The following MTSS2 variants were observed in gnomAD, a reference collection of about 807,000 sequenced individuals.
The protein encoded by MTSS2 is MTSS I-BAR domain containing 2, also known as protein MTSS 2.
Under a neutral mutation model 67.1 loss-of-function variants are expected in MTSS2, and 27 were observed. The ratio of observed to expected loss-of-function variants is 0.40; its 90% CI spans 0.30 to 0.55. The LOEUF (loss-of-function observed/expected upper bound fraction) is 0.55, where lower values mean the gene tolerates loss of function less well. MTSS2 is among the 20% of genes least tolerant of loss of function. The probability of loss-of-function intolerance (pLI) is 0.43; values close to 1 mark genes in which losing one functional copy is unlikely to be tolerated. For missense variants in MTSS2, 1,171 were observed against 1,067.8 expected, an observed-to-expected ratio of 1.10 and a Z score of -1.35; for synonymous variants, 624 against 468.6, an observed-to-expected ratio of 1.33 and a Z score of -4.28.
chr16:70,677,133 A>AG (rs1273146523), intron 9 of MTSS2, among the ~76,000 whole-genome samples, 155 bp from the exon 10 acceptor site: 1 of 152,080 alleles, frequency 6.6e-6, no homozygotes, highest in Non-Finnish European at 1.5e-5. Context: ...TGTGGGGAGC[A>AG]GGGAGACACC....
In MTSS2 at chr16:70,663,830, A is replaced by C; in HGVS notation, c.2091T>G (p.Thr697=). 6.6e-7 allele frequency: 1 copy of C among 1,509,018 alleles called. No homozygotes were observed. The highest frequency in any genetic ancestry group is 8.9e-7 in the Non-Finnish European group (1 of 1,129,130). 93.5% of individuals were successfully genotyped at this position (1,509,018 alleles called of 1,614,324 possible). The change falls in exon 15 of 15, where the codon ACT becomes ACG. Residue 697 remains threonine, a synonymous_variant. Transcript: ENST00000338779. The stretch of plus-strand genomic sequence containing the variant: ...CCTCCGTGGGGGTGGCCGACAGAGC[A>C]GTGGGGAAGGGGAACTGGCCCTCAC... ...ALGEGQFPFP[T]ALSATPTEET... is the part of the protein sequence containing the mutation.
chr16:70,678,664 CG>C (rs905066920), intron 7 of MTSS2, among the ~76,000 whole-genome samples: 1 of 152,202 alleles, frequency 6.6e-6, no homozygotes, highest in African/African-American at 2.4e-5. Context: ...GGGGCATCTC[CG>C]GGGGAGGCTC....
chr16:70,682,953 G>A (rs1240595857), intron 1 of MTSS2, among the ~76,000 whole-genome samples: 3 of 152,166 alleles, frequency 2.0e-5, no homozygotes, highest in Non-Finnish European at 4.4e-5. Context: ...GTCACTGCAC[G>A]CCAGGTAGAG....
intron 11 of MTSS2, among the ~76,000 whole-genome samples, chr16:70,670,037 G>GA (rs1394941017): frequency 6.6e-6 from 1 of 151,950 alleles, no homozygotes; most frequent in African/African-American, 2.4e-5. Flanking sequence ...TTGGGAGGCT[G>GA]AGGGGGGTGG....
At chr16:70,685,140 T>C (rs1294689913) in intron 1 of MTSS2, among the ~76,000 whole-genome samples, 1 of 145,010 alleles carries the variant, frequency 6.9e-6, no homozygotes, top group African/African-American at 2.5e-5. Context: ...TCAAGGCCTA[T>C]CCTTGGGATG....
chr16:70,664,097 T>C lies in MTSS2; in HGVS notation c.1824A>G (p.Thr608=), dbSNP rs781593592. 3 of 1,611,974 alleles carry C rather than the reference T, an allele frequency of 1.9e-6. No homozygotes were observed. The highest frequency in any genetic ancestry group is 1.7e-4 in the Middle Eastern group (1 of 6,060). ...VPDSPGYMGP[T]RAGSEECVFY... ...AGACGCACTCCTCACTGCCCGCCCG[T>C]GTGGGCCCCATGTAGCCGGGGGAGT... The change falls in exon 15 of 15, where the codon ACA becomes ACG. Residue 608 remains threonine, a synonymous_variant. Transcript: ENST00000338779.
chr16:70,685,662 C>A, intron 1 of MTSS2, 61 bp downstream of exon 1: 1 of 1,051,314 alleles, frequency 9.5e-7, no homozygotes, highest in South Asian at 3.7e-5. Context: ...CCCGCCGCCA[C>A]GCGTCCCCGG....
rs779762287 is a variant in MTSS2 at position 70,664,974 on chromosome 16, G to A, written c.1251C>T (p.Pro417=). ...PGPASGGTLG[P]SGEEAPRPRM... is the part of the protein sequence containing the mutation. The stretch of plus-strand genomic sequence containing the variant: ...GGGGTCGCGGTGCCTCTTCCCCGCT[G>A]GGGCCCAGGGTGCCCCCACTGGCAG... Residue 417 remains proline (P), a synonymous_variant, in exon 13 of 15, where the codon CCC becomes CCT. Coordinates refer to ENST00000338779, the MANE Select transcript of MTSS2 (RefSeq NM_138383.3). The A allele has an allele frequency of 3.2e-6, 5 of 1,582,878 alleles. No individual in the cohort carries two copies. Among genetic ancestry groups the A allele is most frequent in the Non-Finnish European group, 4.3e-6 (5 of 1,172,924 alleles).
intron 1 of MTSS2, among the ~76,000 whole-genome samples, chr16:70,685,410 C>G (rs2053420917): frequency 6.6e-6 from 1 of 152,194 alleles, no homozygotes; most frequent in South Asian, 2.1e-4. Context: ...GCCCTAGAGT[C>G]GGTCCTGGAT....
At position 70,664,024 on chromosome 16, in the gene MTSS2, C is replaced by G. The variant is rs144544231; in HGVS notation, c.1897G>C (p.Ala633Pro). The G allele has an allele frequency of 9.9e-4, 1,584 of 1,606,484 alleles. No homozygotes were observed. Among genetic ancestry groups the G allele is most frequent in the Admixed American group, 1.6e-3 (96 of 59,224 alleles). The change falls in exon 15 of 15, where the codon GCC becomes CCC. Residue 633 changes from alanine (A) to proline (P), a missense_variant. By Grantham distance (27) the Ala-to-Pro change is conservative. This residue lies in a region of MTSS2 where 924 missense variants were observed against 756.0 expected (regional missense o/e 1.22). Coordinates refer to ENST00000338779, the MANE Select transcript of MTSS2 (RefSeq NM_138383.3). The part of the protein sequence containing the change: ...ASPLAPDLAK[A>P]SPKRLSLPNT... ...GGCAGGCTGAGCCTCTTTGGGGAGG[C>G]CTTGGCGAGGTCCGGTGCCAGGGGT...
At chr16:70,681,515 TGG>T (rs1165483083) in intron 1 of MTSS2, among the ~76,000 whole-genome samples, 1 of 152,146 alleles carries the variant, frequency 6.6e-6, no homozygotes, top group Non-Finnish European at 1.5e-5. Flanking sequence ...AGGTGTAGAC[TGG>T]GGCCTCCGGG....
chr16:70,661,453 A>G lies in MTSS2; in HGVS notation c.*2224T>C, dbSNP rs1159218109. The G allele has an allele frequency of 1.3e-5, 5 of 370,940 alleles. No homozygotes were observed. The highest frequency in any genetic ancestry group is 8.5e-5 in the African/African-American group (4 of 47,198). The allele number at this position is 370,940 out of a possible 1,614,324, so 23.0% of individuals were successfully genotyped here. ...GGGGAATAAATTAAAAAAAGGAACG[A>G]GTTAACAACAGCACCAGGAAAGTTA... On this transcript the variant is annotated 3_prime_UTR_variant, in exon 15 of 15. Coordinates refer to ENST00000338779, the MANE Select transcript of MTSS2 (RefSeq NM_138383.3).
chr16:70,683,984 T>C (rs2053380447), intron 1 of MTSS2, among the ~76,000 whole-genome samples: 1 of 152,238 alleles, frequency 6.6e-6, no homozygotes, highest in Admixed American at 6.5e-5. Flanking sequence ...CCTCCACATG[T>C]CAGCAAATCA....
rs367946319 is a variant in MTSS2 at position 70,664,778 on chromosome 16, G to A, written c.1306-15C>T. On this transcript the variant is annotated splice_polypyrimidine_tract_variant and intron_variant, in intron 13 of 14. Transcript: ENST00000338779. ...TCCTCACCGTGCTGAGGGTGGGAAA[G>A]TGCAGGCTGAAGCCTTGCGCCCCCA... 7 of 1,601,800 alleles carry A rather than the reference G, an allele frequency of 4.4e-6. No individual in the cohort carries two copies. The highest frequency in any genetic ancestry group is 4.0e-5 in the African/African-American group (3 of 74,808).
intron 11 of MTSS2, among the ~76,000 whole-genome samples, chr16:70,669,592 G>C (rs2052849812): frequency 6.6e-6 from 1 of 152,136 alleles, no homozygotes. Context: ...AAGGCGGGCG[G>C]ATTACCTGAG....
chr16:70,665,278 G>A (rs1045327904), intron 12 of MTSS2, 182 bp from the exon 13 acceptor site: 8 of 918,042 alleles, frequency 8.7e-6, no homozygotes, highest in Non-Finnish European at 1.3e-5. Context: ...AGGCCCAGGG[G>A]TAAGATGTGG....
rs769916218 is a variant in MTSS2 at position 70,664,394 on chromosome 16, G to C, written c.1527C>G (p.Pro509=). 15 of 1,564,716 alleles carry C rather than the reference G, an allele frequency of 9.6e-6. No individual in the cohort carries two copies. The South Asian group carries it at 1.5e-4, about 15-fold the overall frequency. ...VNGDADSEGP[P]EFDKSSTIPR... ...GGATGGTGGATGACTTGTCAAACTC[G>C]GGCGGGCCCTCGCTGTCCGCATCCC... The change falls in exon 15 of 15, where the codon CCC becomes CCG. Residue 509 remains proline (P), a synonymous_variant. Coordinates refer to ENST00000338779, the MANE Select transcript of MTSS2 (RefSeq NM_138383.3).
intron 6 of MTSS2, 54 bp from the exon 7 acceptor site, chr16:70,679,377 T>A (rs553803446): frequency 6.2e-7 from 1 of 1,607,192 alleles, no homozygotes; most frequent in South Asian, 1.1e-5. Flanking sequence ...AAAGAATGTG[T>A]GAAAGACGCC....
intron 11 of MTSS2, among the ~76,000 whole-genome samples, chr16:70,668,051 A>G (rs2052786861): frequency 6.6e-6 from 1 of 152,008 alleles, no homozygotes; most frequent in African/African-American, 2.4e-5. Flanking sequence ...AAGGGCCGAA[A>G]ATAGACAAAG....
Sources: allele counts gnomAD v4.1 joint callset (sites outside exome capture counted in the v4.1 genomes callset), GRCh38; gene constraint gnomAD v4.1.1; regional missense constraint gnomAD v4.1.1; transcripts MANE v1.5; gene names NCBI Gene and HGNC (gene_info 2026-07-23, HGNC 2026-07-21).